ATP10A: variants seen among roughly 807,000 people sequenced by gnomAD.
ATP10A encodes the protein ATPase phospholipid transporting 10A (putative).
A neutral mutation model predicts 147.8 loss-of-function variants in ATP10A; 111 were observed. That is an observed-to-expected ratio of 0.75 (90% CI 0.64 to 0.88). ATP10A has a LOEUF of 0.88. Ranked by LOEUF, ATP10A falls within the 40% of genes least tolerant of loss-of-function variation. The pLI is 0.00. For synonymous variants in ATP10A, 875 were observed against 841.6 expected, an observed-to-expected ratio of 1.04 and a Z score of -0.69; for missense variants, 1,927 against 1,959.0, an observed-to-expected ratio of 0.98 and a Z score of 0.31.
rs763910474 is a variant in ATP10A, at chr15:25,681,007, G to C, written c.3560C>G (p.Ser1187Cys). The C allele has an allele frequency of 1.9e-6, 3 of 1,614,144 alleles. No individual in the cohort carries two copies. Among genetic ancestry groups the C allele is most frequent in the African/African-American group, 2.7e-5 (2 of 75,028 alleles). The change falls in exon 18 of 21, where the codon TCC (serine) becomes TGC (cysteine). Residue 1187 changes from serine (S) to cysteine (C), a missense_variant. Physicochemically the swap from Ser to Cys is moderately radical, Grantham distance 112 (BLOSUM62 -1). Coordinates refer to ENST00000555815, the MANE Select transcript of ATP10A (RefSeq NM_024490.4). ...GGGCCAACTTACCAGGTAAGGAATG[G>C]AAAAGCAAACCAGGCTCTGGAAGGC... ...DAAFQSLVCFSIPYLAYYDSN... is the reference protein window; with the variant it reads ...DAAFQSLVCFCIPYLAYYDSN...
intron 1 of ATP10A, among the ~76,000 whole-genome samples, chr15:25,837,439 TAACA>T (rs1406851142): frequency 3.3e-5 from 5 of 152,168 alleles, no homozygotes; most frequent in African/African-American, 1.2e-4. Flanking sequence ...GATCTCACGC[TAACA>T]AACAATCTCA....
rs1304591386 is a variant in ATP10A at position 25,680,923 on chromosome 15, C to T, written c.3574-9G>A. 1.2e-6 allele frequency: 2 copies of T among 1,614,060 alleles called. No homozygotes were observed. Among genetic ancestry groups the T allele is most frequent in the Non-Finnish European group, 1.7e-6 (2 of 1,179,940 alleles). On this transcript the variant is annotated splice_polypyrimidine_tract_variant and intron_variant, in intron 18 of 20. Coordinates refer to ENST00000555815, the MANE Select transcript of ATP10A (RefSeq NM_024490.4). ...TTCGAGTCATAGTAGGCCTGAAAGACAGTGGGGTCCTGGATCTGTAGGTCC... is the reference window on the plus strand; with the variant it reads ...TTCGAGTCATAGTAGGCCTGAAAGATAGTGGGGTCCTGGATCTGTAGGTCC...
At chr15:25,763,690 A>G (rs1041974709) in intron 2 of ATP10A, among the ~76,000 whole-genome samples, 59 of 152,234 alleles carry the variant, frequency 3.9e-4, no homozygotes, top group African/African-American at 1.4e-3. Context: ...CACTCCAGGA[A>G]GCACAGGATC....
At chr15:25,766,633 GA>G (rs1198158175) in intron 2 of ATP10A, among the ~76,000 whole-genome samples, 1 of 151,860 alleles carries the variant, frequency 6.6e-6, no homozygotes, top group Non-Finnish European at 1.5e-5. Context: ...TCGGTGACAA[GA>G]AAGGGCCAGG....
chr15:25,792,930 G>A (rs1033084174), intron 1 of ATP10A, among the ~76,000 whole-genome samples: 3 of 148,458 alleles, frequency 2.0e-5, no homozygotes, highest in Non-Finnish European at 4.4e-5. Context: ...GAGTGCAGTG[G>A]TGCGATCCTG....
chr15:25,788,869 C>T (rs1375487823), intron 1 of ATP10A, among the ~76,000 whole-genome samples: 1 of 152,190 alleles, frequency 6.6e-6, no homozygotes, highest in Non-Finnish European at 1.5e-5. Flanking sequence ...AAAGAGAAAG[C>T]TCCAATTAAA....
chr15:25,762,004 C>T (rs1888783400), intron 2 of ATP10A, among the ~76,000 whole-genome samples: 1 of 152,054 alleles, frequency 6.6e-6, no homozygotes, highest in Admixed American at 6.6e-5. Flanking sequence ...ATTGTGGCTC[C>T]CGTAGTCCCC....
chr15:25,803,973 TG>T (rs1193342542), intron 1 of ATP10A, among the ~76,000 whole-genome samples: 28 of 152,076 alleles, frequency 1.8e-4, no homozygotes, highest in Admixed American at 7.2e-4. Flanking sequence ...GCTTAGTGTG[TG>T]ATGTGAGGTG....
chr15:25,729,866 C>A (rs1223251679), intron 3 of ATP10A, among the ~76,000 whole-genome samples: 1 of 152,144 alleles, frequency 6.6e-6, no homozygotes, highest in East Asian at 1.9e-4. Context: ...CATGTCCTAT[C>A]CATTGCACAC....
intron 1 of ATP10A, among the ~76,000 whole-genome samples, chr15:25,812,042 A>G (rs1201956371): frequency 1.3e-5 from 2 of 152,192 alleles, no homozygotes; most frequent in Non-Finnish European, 2.9e-5. Flanking sequence ...TCCACCCTAC[A>G]TGGCGCAAAC....
intron 12 of ATP10A, among the ~76,000 whole-genome samples, chr15:25,706,279 G>T (rs2140360219): frequency 6.6e-6 from 1 of 152,302 alleles, no homozygotes; most frequent in African/African-American, 2.4e-5. Flanking sequence ...ACGATCACCA[G>T]AGAAAGCCTG....
intron 1 of ATP10A, among the ~76,000 whole-genome samples, chr15:25,812,041 C>T (rs1891456408): frequency 6.6e-6 from 1 of 152,246 alleles, no homozygotes; most frequent in African/African-American, 2.4e-5. Flanking sequence ...TTCCACCCTA[C>T]ATGGCGCAAA....
intron 1 of ATP10A, among the ~76,000 whole-genome samples, chr15:25,826,981 G>A (rs755118695): frequency 3.4e-4 from 52 of 152,158 alleles, no homozygotes; most frequent in Middle Eastern, 3.4e-3. Context: ...CCCTACATTC[G>A]GTAATGAACA....
In ATP10A at chr15:25,691,723, C is replaced by G. The variant is rs914544968; in HGVS notation, c.3157G>C (p.Gly1053Arg). Residue 1053 changes from glycine to arginine, a missense_variant, in exon 15 of 21, where the codon GGT becomes CGT. Coordinates refer to ENST00000555815, the MANE Select transcript of ATP10A (RefSeq NM_024490.4). ...GCCTGATTGGTCTTTACCTGCATAC[C>G]CTCCTGGCCGGAGATTCCCACACCC... ...DVGVGISGQE[G>R]MQAVMASDFA... 2 of 1,614,156 alleles carry G rather than the reference C, an allele frequency of 1.2e-6. No individual in the cohort carries two copies. The highest frequency in any genetic ancestry group is 8.5e-7 in the Non-Finnish European group (1 of 1,180,028).
chr15:25,788,396 C>G (rs774654798), intron 1 of ATP10A, among the ~76,000 whole-genome samples: 1 of 152,198 alleles, frequency 6.6e-6, no homozygotes, highest in Non-Finnish European at 1.5e-5. Flanking sequence ...TCTGTAGGAT[C>G]GCTACAGTCT....
chr15:25,783,616 A>G (rs1890030564), intron 1 of ATP10A, among the ~76,000 whole-genome samples: 1 of 152,196 alleles, frequency 6.6e-6, no homozygotes, highest in Non-Finnish European at 1.5e-5. Flanking sequence ...CCAGTTATGT[A>G]CAAAGCATAG....
intron 1 of ATP10A, among the ~76,000 whole-genome samples, chr15:25,795,876 G>C (rs1309307185): frequency 6.6e-6 from 1 of 152,034 alleles, no homozygotes; most frequent in Non-Finnish European, 1.5e-5. Flanking sequence ...GGGGATGTGC[G>C]AGAGTTCTGG....
chr15:25,822,663 AC>A (rs1274459127), intron 1 of ATP10A, among the ~76,000 whole-genome samples: 3 of 152,152 alleles, frequency 2.0e-5, no homozygotes, highest in African/African-American at 7.2e-5. Context: ...CTAGTCACAT[AC>A]CCTCTGTACC....
intron 2 of ATP10A, among the ~76,000 whole-genome samples, chr15:25,778,788 G>A (rs1889751139): frequency 6.6e-6 from 1 of 152,206 alleles, no homozygotes. Context: ...AAGTGCTGCA[G>A]TTATTGTTTG....
Sources: allele counts gnomAD v4.1 joint callset (sites outside exome capture counted in the v4.1 genomes callset), GRCh38; gene constraint gnomAD v4.1.1; transcripts MANE v1.5; gene names NCBI Gene and HGNC (gene_info 2026-07-23, HGNC 2026-07-21).